The following THSD4 variants were observed in gnomAD, a reference collection of about 807,000 sequenced individuals.
THSD4 encodes the protein thrombospondin type-1 domain-containing protein 4.
In THSD4, 69 loss-of-function variants were observed where a neutral mutation model predicts 119.0. The ratio of observed to expected loss-of-function variants is 0.58; its 90% CI spans 0.48 to 0.71. The LOEUF (loss-of-function observed/expected upper bound fraction) is 0.71. Among genes scored for constraint, THSD4 ranks in the 30% least tolerant of loss-of-function variants. THSD4 has a pLI of 0.00. For synonymous variants in THSD4, 524 were observed against 540.4 expected, an observed-to-expected ratio of 0.97 and a Z score of 0.42; for missense variants, 1,393 against 1,391.1, an observed-to-expected ratio of 1.00 and a Z score of -0.02.
chr15:71,442,579 A>AAAAAAAAAAATAT (rs1195413080), intron 7 of THSD4, among the ~76,000 whole-genome samples: 2 of 39,860 alleles, frequency 5.0e-5, no homozygotes, highest in African/African-American at 7.4e-5. Context: ...AAAAAAAAAA[A>AAAAAAAAAAATAT]ATATATATAT....
intron 2 of THSD4, among the ~76,000 whole-genome samples, chr15:71,144,693 G>A (rs2040639484): frequency 1.3e-5 from 2 of 152,126 alleles, no homozygotes; most frequent in African/African-American, 4.8e-5. Context: ...AGACAGAGAA[G>A]CCTTGGGCAT....
At chr15:71,244,578 T>C (rs1284592546) in intron 5 of THSD4, among the ~76,000 whole-genome samples, 1 of 152,210 alleles carries the variant, frequency 6.6e-6, no homozygotes, top group Non-Finnish European at 1.5e-5. Context: ...CTAAGGCCAT[T>C]GCTGATCAGT....
intron 6 of THSD4, among the ~76,000 whole-genome samples, chr15:71,305,359 C>T (rs574912439): frequency 2.0e-5 from 3 of 152,276 alleles, no homozygotes; most frequent in African/African-American, 7.2e-5. Flanking sequence ...TCATCAAACC[C>T]CAGGCTCTTG....
chr15:71,254,011 AT>A (rs1477771857), intron 5 of THSD4, among the ~76,000 whole-genome samples: 3 of 152,172 alleles, frequency 2.0e-5, no homozygotes, highest in Non-Finnish European at 4.4e-5. Flanking sequence ...CATTTTACTC[AT>A]TGAGAGAAAG....
intron 6 of THSD4, among the ~76,000 whole-genome samples, chr15:71,407,675 A>G (rs1393666046): frequency 2.6e-5 from 4 of 151,704 alleles, no homozygotes; most frequent in East Asian, 1.9e-4. Flanking sequence ...TAGAGTACCT[A>G]TATTTGGGGT....
intron 7 of THSD4, among the ~76,000 whole-genome samples, chr15:71,606,641 A>G (rs539806946): frequency 6.6e-6 from 1 of 152,290 alleles, no homozygotes; most frequent in African/African-American, 2.4e-5. Flanking sequence ...CCCGGGTTCA[A>G]GCAATTCTCC....
rs541793616 is a variant in THSD4, at chr15:71,608,958, A to G, written c.1153-51572A>G. Among the ~76,000 whole-genome samples, 37 of 152,286 alleles carry G rather than the reference A, an allele frequency of 2.4e-4. No homozygotes were observed. In the South Asian group the frequency reaches 7.3e-3, roughly 30 times the overall value. ...CCTGGTTTGGCTAACTCAAGAGGAC[A>G]TCAGTCTCTCCCTGGGCAGGTGATG... On this transcript the variant is annotated intron_variant, in intron 7 of 17. Transcript: ENST00000261862.
At chr15:71,322,556 A>G (rs528567727) in intron 6 of THSD4, among the ~76,000 whole-genome samples, 18 of 152,320 alleles carry the variant, frequency 1.2e-4, no homozygotes, top group African/African-American at 3.6e-4. Context: ...ATAAATATTT[A>G]TTATCTTAAA....
chr15:71,622,057 A>C (rs1448116621), intron 7 of THSD4, among the ~76,000 whole-genome samples: 2 of 152,204 alleles, frequency 1.3e-5, no homozygotes, highest in Admixed American at 6.5e-5. Flanking sequence ...GTGATCTTGG[A>C]GGAGCTGTTT....
At chr15:71,097,653 T>C (rs772315379) in intron 1 of THSD4, among the ~76,000 whole-genome samples, 31 of 150,924 alleles carry the variant, frequency 2.1e-4, no homozygotes, top group Non-Finnish European at 4.3e-4. Flanking sequence ...TTACAGATGT[T>C]GTTATACGTT....
At chr15:71,497,180 G>A (rs963813553) in intron 7 of THSD4, among the ~76,000 whole-genome samples, 3 of 152,194 alleles carry the variant, frequency 2.0e-5, no homozygotes, top group Non-Finnish European at 4.4e-5. Flanking sequence ...CCAAAATGCT[G>A]TGTTAATAAG....
intron 6 of THSD4, chr15:71,348,254 T>C (rs1354290227): frequency 6.6e-6 from 1 of 152,208 alleles, no homozygotes; most frequent in Non-Finnish European, 1.5e-5. Flanking sequence ...CAAACTTTAA[T>C]GTGCGGAAGA....
chr15:71,447,625 C>G (rs143776138), intron 7 of THSD4, among the ~76,000 whole-genome samples: 140 of 152,316 alleles, frequency 9.2e-4, no homozygotes, highest in African/African-American at 3.1e-3. Flanking sequence ...TGGCACATAG[C>G]TACAGGCATA....
chr15:71,281,399 A>G (rs771207956), intron 6 of THSD4, among the ~76,000 whole-genome samples: 3 of 152,378 alleles, frequency 2.0e-5, no homozygotes, highest in Non-Finnish European at 4.4e-5. Flanking sequence ...ATGGCTCTCC[A>G]TAGAAATGTG....
At chr15:71,313,625 A>G (rs975085910) in intron 6 of THSD4, among the ~76,000 whole-genome samples, 6 of 152,148 alleles carry the variant, frequency 3.9e-5, no homozygotes, top group African/African-American at 1.2e-4. Context: ...TATATAGACA[A>G]TTTCAAAATC....
chr15:71,476,729 G>A (rs548133685), intron 7 of THSD4, among the ~76,000 whole-genome samples: 5 of 152,176 alleles, frequency 3.3e-5, no homozygotes, highest in African/African-American at 9.7e-5. Flanking sequence ...AGCTCACAGC[G>A]GAATCATTAC....
At chr15:71,591,605 T>C (rs1394529478) in intron 7 of THSD4, among the ~76,000 whole-genome samples, 2 of 152,146 alleles carry the variant, frequency 1.3e-5, no homozygotes, top group African/African-American at 4.8e-5. Flanking sequence ...CCTGGTGAAT[T>C]CATGCTGGTG....
chr15:71,445,611 C>G (rs998484511), intron 7 of THSD4, among the ~76,000 whole-genome samples: 5 of 152,196 alleles, frequency 3.3e-5, no homozygotes, highest in Non-Finnish European at 7.3e-5. Context: ...TGTTCCCCGT[C>G]ATCTTGATTG....
At chr15:71,643,628 A>C (rs1202054437) in intron 7 of THSD4, among the ~76,000 whole-genome samples, 1 of 152,250 alleles carries the variant, frequency 6.6e-6, no homozygotes, top group Admixed American at 6.5e-5. Context: ...ATGTTCCTGC[A>C]AAGGACATGA....
Sources: allele counts gnomAD v4.1 joint callset (sites outside exome capture counted in the v4.1 genomes callset), GRCh38; gene constraint gnomAD v4.1.1; transcripts MANE v1.5; gene names NCBI Gene and HGNC (gene_info 2026-07-23, HGNC 2026-07-21).